The following DDO variants were observed in gnomAD, a reference collection of about 807,000 sequenced individuals.
DDO encodes D-aspartate oxidase, DDO.
In DDO, 16 loss-of-function variants were observed where a neutral mutation model predicts 16.8. That is an observed-to-expected ratio of 0.95 (90% CI 0.65 to 1.45). The LOEUF (loss-of-function observed/expected upper bound fraction) is 1.45. Ranked by LOEUF, DDO falls within the 40% of genes most tolerant of loss-of-function variation. The pLI, the probability that DDO is intolerant of heterozygous loss-of-function variation, is 0.00. For missense variants in DDO, 429 were observed against 420.3 expected (o/e 1.02, Z -0.18); for synonymous variants, 180 against 167.2 (o/e 1.08, Z -0.59).
Position 110,404,906 on chromosome 6 carries a change from C to T in DDO, c.326G>A (p.Trp109Ter), listed in dbSNP as rs778543868. The change falls in exon 4 of 5, where the codon TGG becomes TAG. Residue 109 changes from tryptophan to a stop codon, truncating the protein, a stop_gained. Transcript: ENST00000368924. LOFTEE classifies it high-confidence loss of function. Reference protein sequence around the residue: ...QSTPTEEVPFWADVVLGFRKM... With the variant: ...QSTPTEEVPF ...TCGAAATCCCAGAACCACGTCAGCCCAGAATGGCACTTCTTCAGTCGGAGT... is the reference window on the plus strand; with the variant it reads ...TCGAAATCCCAGAACCACGTCAGCCTAGAATGGCACTTCTTCAGTCGGAGT... The T allele has an allele frequency of 1.9e-6, 3 of 1,614,212 alleles. No individual in the cohort carries two copies. The highest frequency in any genetic ancestry group is 2.5e-6 in the Non-Finnish European group (3 of 1,180,034).
rs187208028 is a variant in DDO at position 110,415,249 on chromosome 6, C to A, written c.-5+218G>T. On this transcript the variant is annotated intron_variant, in intron 1 of 4. Coordinates refer to ENST00000368924, the MANE Select transcript of DDO (RefSeq NM_001372108.2). ...TTTCACATCAGCCTCCCATGTCCAG[C>A]AACTCTCTCAAAACAGCTCTAATAA... Among the ~76,000 whole-genome samples the A allele has an allele frequency of 5.6e-3, 847 of 152,312 alleles. 8 individuals carry two copies. The highest frequency in any genetic ancestry group is 6.5e-3 in the Non-Finnish European group (444 of 68,026).
intron 3 of DDO, among the ~76,000 whole-genome samples, chr6:110,405,349 A>T (rs1329382590): frequency 1.3e-5 from 2 of 152,212 alleles, no homozygotes; most frequent in African/African-American, 4.8e-5. Flanking sequence ...AGAACATTTT[A>T]AAAATTTAGT....
downstream of DDO, chr6:110,388,980 G>T: frequency 9.0e-6 from 2 of 223,142 alleles, no homozygotes; most frequent in Non-Finnish European, 1.5e-5. Context: ...TGTGTCAAAT[G>T]GACTGAGCTA....
At chr6:110,394,289 TAG>T (rs1196019937) in intron 4 of DDO, among the ~76,000 whole-genome samples, 1 of 152,076 alleles carries the variant, frequency 6.6e-6, no homozygotes, top group East Asian at 1.9e-4. Flanking sequence ...GTATTTTTGA[TAG>T]AGACAGGGTT....
At chr6:110,413,843 G>A (rs1460816250) in intron 1 of DDO, among the ~76,000 whole-genome samples, 10 of 151,994 alleles carry the variant, frequency 6.6e-5, no homozygotes, top group Admixed American at 3.3e-4. Context: ...ACGAGATCTC[G>A]GCTCACTGCA....
chr6:110,407,077 A>G (rs1241191316), intron 3 of DDO, among the ~76,000 whole-genome samples: 1 of 152,342 alleles, frequency 6.6e-6, no homozygotes, highest in Non-Finnish European at 1.5e-5. Flanking sequence ...CTAAGAAAGA[A>G]CCTGATACTG....
rs949267945 is a variant in DDO at position 110,392,254 on chromosome 6, C to T, written c.*521G>A. ...TATAACCTAAGAAGATCACAGGCAG[C>T]TCTGCAATTGACAGTGATTTAAATG... On this transcript the variant is annotated 3_prime_UTR_variant, in exon 5 of 5. Coordinates refer to ENST00000368924, the MANE Select transcript of DDO (RefSeq NM_001372108.2). 2.0e-6 allele frequency: 2 copies of T among 985,372 alleles called. No homozygotes were observed. The allele number at this position is 985,372 out of a possible 1,614,324, so 61.0% of individuals were successfully genotyped here.
intron 4 of DDO, among the ~76,000 whole-genome samples, chr6:110,400,993 C>T (rs1161760783): frequency 6.6e-6 from 1 of 152,240 alleles, no homozygotes; most frequent in Non-Finnish European, 1.5e-5. Context: ...TCCCTGTCCT[C>T]TTCCAGGACC....
intron 4 of DDO, among the ~76,000 whole-genome samples, chr6:110,397,310 A>G (rs948906445): frequency 7.2e-5 from 11 of 152,244 alleles, no homozygotes; most frequent in Admixed American, 7.2e-4. Flanking sequence ...ATACCTGTAT[A>G]TCACTTATGT....
downstream of DDO, among the ~76,000 whole-genome samples, chr6:110,388,399 C>T (rs1773049781): frequency 6.6e-6 from 1 of 152,184 alleles, no homozygotes; most frequent in African/African-American, 2.4e-5. Flanking sequence ...ACTACAACTC[C>T]CAGTGGACAC....
intron 4 of DDO, among the ~76,000 whole-genome samples, chr6:110,397,505 G>A (rs937176228): frequency 5.3e-5 from 8 of 152,102 alleles, no homozygotes; most frequent in Non-Finnish European, 1.0e-4. Flanking sequence ...TAATTTGGGG[G>A]AATAAGAGAA....
At position 110,413,473 on chromosome 6, in the gene DDO, G is replaced by A; in HGVS notation, c.-4-7C>T. 2 of 1,611,762 alleles carry A rather than the reference G, an allele frequency of 1.2e-6. No homozygotes were observed. The highest frequency in any genetic ancestry group is 1.7e-6 in the Non-Finnish European group (2 of 1,179,216). ...CCGTGCTGTGTCCATGAGCCTGTGA[G>A]GAGGGAAATGGGAGCTATACCCCTT... On this transcript the variant is annotated splice_region_variant and splice_polypyrimidine_tract_variant and intron_variant, in intron 1 of 4. Coordinates refer to ENST00000368924, the MANE Select transcript of DDO (RefSeq NM_001372108.2).
At chr6:110,400,146 C>T (rs1773431156) in intron 4 of DDO, among the ~76,000 whole-genome samples, 1 of 152,244 alleles carries the variant, frequency 6.6e-6, no homozygotes, top group Non-Finnish European at 1.5e-5. Flanking sequence ...GCCTTCCTGC[C>T]GCAGTCAGGG....
At chr6:110,408,268 T>C in intron 3 of DDO, 66 bp downstream of exon 3, 1 of 1,452,784 alleles carries the variant, frequency 6.9e-7, no homozygotes, top group Non-Finnish European at 9.6e-7. Context: ...AAATATTTTA[T>C]GTTGAACTCT....
intron 1 of DDO, 112 bp downstream of exon 1, chr6:110,415,355 T>C: frequency 9.1e-6 from 13 of 1,430,432 alleles, no homozygotes; most frequent in Non-Finnish European, 1.2e-5. Context: ...ATGTGGTGTG[T>C]CCTGGCACAG....
At chr6:110,413,527 G>A (rs1773938331) in intron 1 of DDO, 61 bp from the exon 2 acceptor site, 2 of 1,569,008 alleles carry the variant, frequency 1.3e-6, no homozygotes, top group South Asian at 1.2e-5. Flanking sequence ...TCCAGACAAA[G>A]TTTGGTCTTG....
chr6:110,407,034 T>C (rs1252729635), intron 3 of DDO, among the ~76,000 whole-genome samples: 5 of 152,228 alleles, frequency 3.3e-5, no homozygotes, highest in Non-Finnish European at 7.3e-5. Flanking sequence ...CCAAGTGGTA[T>C]TACTAAATTG....
intron 1 of DDO, among the ~76,000 whole-genome samples, chr6:110,414,921 G>A (rs754322919): frequency 5.3e-5 from 8 of 152,350 alleles, no homozygotes; most frequent in East Asian, 1.9e-4. Flanking sequence ...CAGGAAAAAC[G>A]TGGGCTTGGT....
At chr6:110,388,856 A>G, downstream of DDO, 4 of 959,178 alleles carry the variant, frequency 4.2e-6, no homozygotes, top group Non-Finnish European at 5.0e-6. Context: ...CAAGAAAGAA[A>G]AAATAAAGCA....
Sources: allele counts gnomAD v4.1 joint callset (sites outside exome capture counted in the v4.1 genomes callset), GRCh38; gene constraint gnomAD v4.1.1; transcripts MANE v1.5; gene names NCBI Gene and HGNC (gene_info 2026-07-23, HGNC 2026-07-21).